Variants in PRDM8 observed in about 807,000 individuals in gnomAD.
The protein encoded by PRDM8 is PR domain zinc finger protein 8.
Under a neutral mutation model 46.5 loss-of-function variants are expected in PRDM8, and 13 were observed. That is an observed-to-expected ratio of 0.28 (90% CI 0.18 to 0.44). The LOEUF (loss-of-function observed/expected upper bound fraction) is 0.44, where lower values mean the gene tolerates loss of function less well. Among genes scored for constraint, PRDM8 ranks in the 20% least tolerant of loss-of-function variants. PRDM8 has a pLI of 1.00. For missense variants in PRDM8, 998 were observed against 955.0 expected (o/e 1.04, Z -0.59); for synonymous variants, 473 against 438.4 (o/e 1.08, Z -0.98).
At chr4:80,201,193 A>G in intron 2 of PRDM8, 97 bp from the exon 3 acceptor site, 3 of 1,196,690 alleles carry the variant, frequency 2.5e-6, no homozygotes, top group Non-Finnish European at 2.4e-6. Flanking sequence ...AAAGACTAAC[A>G]TAGAAGAAAT....
In PRDM8 at chr4:80,203,210, C is replaced by T. The variant is rs1221197735; in HGVS notation, c.1748C>T (p.Pro583Leu). The part of the protein sequence containing the change: ...SPFLYATAFW[P>L]KSSAAAAAAA... ...TTCCTGTACGCCACCGCCTTCTGGC[C>T]CAAGAGCTCCGCTGCCGCTGCAGCC... Residue 583 changes from proline (P) to leucine (L), a missense_variant, in exon 4 of 4, where the codon CCC (proline) becomes CTC (leucine). Pro to Leu is a moderately conservative substitution (Grantham distance 98, BLOSUM62 -3). Coordinates refer to ENST00000415738, the MANE Select transcript of PRDM8 (RefSeq NM_001099403.2). The T allele has an allele frequency of 1.9e-6, 3 of 1,552,084 alleles. No individual in the cohort carries two copies. Among genetic ancestry groups the T allele is most frequent in the Non-Finnish European group, 2.6e-6 (3 of 1,150,666 alleles).
In PRDM8 at chr4:80,201,328, C is replaced by CGGCCAGAG; in HGVS notation, c.258_259insGGCCAGAG (p.Met87GlyfsTer24). ...CAGCAAATGGTTCCTCAGAAGGTCT[C>CGGCCAGAG]ATGTGGCTGCGGTTGGTCCAATCGG... On this transcript the variant is annotated frameshift_variant, in exon 3 of 4. Coordinates refer to ENST00000415738, the MANE Select transcript of PRDM8 (RefSeq NM_001099403.2). LOFTEE classifies it high-confidence loss of function. 6.2e-7 allele frequency: 1 copy of CGGCCAGAG among 1,614,234 alleles called. No individual in the cohort carries two copies. The highest frequency in any genetic ancestry group is 8.5e-7 in the Non-Finnish European group (1 of 1,180,048).
upstream of PRDM8, chr4:80,196,135 C>A: frequency 1.1e-6 from 1 of 950,374 alleles, no homozygotes; most frequent in Non-Finnish European, 1.3e-6. Context: ...GTAAGCTGCT[C>A]TTTGCCAACT....
chr4:80,195,154 T>C (rs1737846877), upstream of PRDM8, among the ~76,000 whole-genome samples: 1 of 152,186 alleles, frequency 6.6e-6, no homozygotes, highest in Non-Finnish European at 1.5e-5. Context: ...ATTCTCTAAA[T>C]AACAGCAAAA....
chr4:80,196,510 G>A (rs1223896858), upstream of PRDM8: 1 of 985,296 alleles, frequency 1.0e-6, no homozygotes, highest in African/African-American at 1.7e-5. Flanking sequence ...AAGTGGCTTA[G>A]CGCACAAACG....
At position 80,201,090 on chromosome 4, in the gene PRDM8, A is replaced by G. The variant is rs963001476; in HGVS notation, c.220-200A>G. 3.3e-5 allele frequency among the ~76,000 whole-genome samples: 5 copies of G among 152,352 alleles called. No homozygotes were observed. In the South Asian group the frequency reaches 8.3e-4, roughly 25 times the overall value. ...ACTATATGATTGATGCAGTGTTTCAAAGAATGGTTATCTTGCCTAATGGTT... is the reference window on the plus strand; with the variant it reads ...ACTATATGATTGATGCAGTGTTTCAGAGAATGGTTATCTTGCCTAATGGTT... On this transcript the variant is annotated intron_variant, in intron 2 of 3. Coordinates refer to ENST00000415738, the MANE Select transcript of PRDM8 (RefSeq NM_001099403.2).
At chr4:80,192,717 T>C (rs961455925), upstream of PRDM8, among the ~76,000 whole-genome samples, 2 of 152,108 alleles carry the variant, frequency 1.3e-5, no homozygotes, top group African/African-American at 4.8e-5. Flanking sequence ...GAGTATAACA[T>C]TTGGGAGAAC....
In PRDM8 at chr4:80,204,296, T is replaced by G. The variant is rs1392971203; in HGVS notation, c.*764T>G. 1.3e-5 allele frequency: 2 copies of G among 152,698 alleles called. No individual in the cohort carries two copies. Among genetic ancestry groups the G allele is most frequent in the Non-Finnish European group, 2.9e-5 (2 of 68,046 alleles). 9.5% of individuals were successfully genotyped at this position (152,698 alleles called of 1,614,324 possible). A position where few individuals can be genotyped will look rare whatever the true frequency, so the allele number is the denominator to read the frequency against. On this transcript the variant is annotated 3_prime_UTR_variant, in exon 4 of 4. Coordinates refer to ENST00000415738, the MANE Select transcript of PRDM8 (RefSeq NM_001099403.2). ...TAGTTTATCCGAGTATGTTGGATGC[T>G]TTGACAATAAATGACTATTTTCTTC...
chr4:80,194,168 A>G, upstream of PRDM8: 1 of 977,278 alleles, frequency 1.0e-6, no homozygotes, highest in Non-Finnish European at 1.2e-6. Context: ...CCACTCTTCC[A>G]AAATAACACT....
chr4:80,197,872 A>ATT lies in PRDM8; in HGVS notation c.-3+110_-3+111insTT, dbSNP rs1363299988. The ATT allele has an allele frequency of 2.9e-5, 26 of 900,154 alleles. No homozygotes were observed. The Admixed American group carries it at 5.0e-4, about 17-fold the overall frequency. 55.8% of individuals were successfully genotyped at this position (900,154 alleles called of 1,614,324 possible). A position where few individuals can be genotyped will look rare whatever the true frequency, so the allele number is the denominator to read the frequency against. ...CTTATTATCCAGAAGAGAGAGAAAA[A>ATT]TAATTCTTGAGGGGCTGTCTACTGC... On this transcript the variant is annotated intron_variant, in intron 1 of 3. Transcript: ENST00000415738.
In PRDM8 at chr4:80,203,523, G is replaced by T; in HGVS notation, c.2061G>T (p.Ser687=). The T allele has an allele frequency of 6.2e-7, 1 of 1,608,244 alleles. No individual in the cohort carries two copies. Among genetic ancestry groups the T allele is most frequent in the Non-Finnish European group, 8.5e-7 (1 of 1,176,604 alleles). The change falls in exon 4 of 4, where the codon TCG becomes TCT. Residue 687 remains serine, a synonymous_variant. Transcript: ENST00000415738. The part of the protein sequence containing the change: ...ERHHLSRHMT[S]HN ...ACCACCTCTCCAGGCACATGACCTCGCATAATTGACTCGGAAAGGACCCCA... is the reference window on the plus strand; with the variant it reads ...ACCACCTCTCCAGGCACATGACCTCTCATAATTGACTCGGAAAGGACCCCA...
At position 80,201,373 on chromosome 4, in the gene PRDM8, G is replaced by T. The variant is rs776174510; in HGVS notation, c.303G>T (p.Gln101His). Residue 101 changes from glutamine (Q) to histidine (H), a missense_variant, in exon 3 of 4, where the codon CAG becomes CAT. By Grantham distance (24) the Gln-to-His change is conservative (BLOSUM62 0). Coordinates refer to ENST00000415738, the MANE Select transcript of PRDM8 (RefSeq NM_001099403.2). ...LVQSARDKEE[Q>H]NLEAYIKNGQ... ...AATCGGCCAGAGATAAGGAAGAGCAGAACCTTGAAGCCTACATAAAAAACG... is the reference window on the plus strand; with the variant it reads ...AATCGGCCAGAGATAAGGAAGAGCATAACCTTGAAGCCTACATAAAAAACG... 6.2e-7 allele frequency: 1 copy of T among 1,614,236 alleles called. No individual in the cohort carries two copies. The highest frequency in any genetic ancestry group is 1.1e-5 in the South Asian group (1 of 91,084).
chr4:80,185,629 G>A (rs1237937530), intron 1 of PRDM8: 1 of 152,316 alleles, frequency 6.6e-6, no homozygotes, highest in African/African-American at 2.4e-5. Context: ...GAAGGCTTAG[G>A]ACCCATGTGA....
intron 1 of PRDM8, chr4:80,190,185 G>C (rs1737433305): frequency 6.6e-6 from 1 of 152,296 alleles, no homozygotes; most frequent in Non-Finnish European, 1.5e-5. Context: ...CAGGGAGAGA[G>C]GGTGGTGGAA....
chr4:80,196,856 T>A (rs1738000333), upstream of PRDM8: 10 of 957,374 alleles, frequency 1.0e-5, no homozygotes, highest in African/African-American at 1.8e-5. Flanking sequence ...GGTACCGTTA[T>A]GTCCCCTTCC....
At chr4:80,186,585 AATCG>A (rs1308249280) in intron 1 of PRDM8, among the ~76,000 whole-genome samples, 1 of 152,142 alleles carries the variant, frequency 6.6e-6, no homozygotes, top group Non-Finnish European at 1.5e-5. Flanking sequence ...CCCTTCATGA[AATCG>A]ATCACGCCTC....
At chr4:80,187,244 T>TGCGGGGGGGGGGGGG (rs60061648) in intron 1 of PRDM8, among the ~76,000 whole-genome samples, 6 of 89,952 alleles carry the variant, frequency 6.7e-5, no homozygotes, top group Admixed American at 3.2e-4. Context: ...TTCTCTGCCC[T>TGCGGGGGGGGGGGGG]GGGGCGGGGG....
chr4:80,193,349 C>G (rs1737694340), upstream of PRDM8, among the ~76,000 whole-genome samples: 1 of 152,178 alleles, frequency 6.6e-6, no homozygotes, highest in Admixed American at 6.5e-5. Flanking sequence ...CACCCCACCC[C>G]CTCACATCAT....
At position 80,203,045 on chromosome 4, in the gene PRDM8, C is replaced by T; in HGVS notation, c.1583C>T (p.Pro528Leu). 5 of 1,555,128 alleles carry T rather than the reference C, an allele frequency of 3.2e-6. No homozygotes were observed. Among genetic ancestry groups the T allele is most frequent in the Non-Finnish European group, 4.3e-6 (5 of 1,160,102 alleles). ...CTGGGCGCGCTCGAGCCATGCCACC[C>T]CGCCGACGGCGTGGGCCCCACCAGA... Reference protein sequence around the residue: ...QKLGALEPCHPADGVGPTRLY... With the variant: ...QKLGALEPCHLADGVGPTRLY... The change falls in exon 4 of 4, where the codon CCC becomes CTC. Residue 528 changes from proline to leucine, a missense_variant. By Grantham distance (98) the Pro-to-Leu change is moderately conservative. Coordinates refer to ENST00000415738, the MANE Select transcript of PRDM8 (RefSeq NM_001099403.2).
Sources: gnomAD v4.1 joint callset for allele counts (sites outside exome capture counted in the v4.1 genomes callset) on GRCh38, gnomAD v4.1.1 for gene constraint, MANE v1.5 for transcripts, NCBI Gene and HGNC (gene_info 2026-07-23, HGNC 2026-07-21) for gene names.